Variants in STARD13 observed in about 807,000 individuals in gnomAD.
STARD13 encodes stAR-related lipid transfer protein 13.
In STARD13, 62 loss-of-function variants were observed where a neutral mutation model predicts 106.4. The observed-to-expected ratio is 0.58, with a 90% CI of 0.48 to 0.72. The LOEUF (loss-of-function observed/expected upper bound fraction) is 0.72, where lower values mean the gene tolerates loss of function less well. Ranked by LOEUF, STARD13 falls within the 30% of genes least tolerant of loss-of-function variation. STARD13 has a pLI of 0.00. For synonymous variants in STARD13, 565 were observed against 553.0 expected (o/e 1.02, Z -0.31); for missense variants, 1,387 against 1,424.0 (o/e 0.97, Z 0.42).
chr13:33,380,843 G>A, the STARD13 span, among the ~76,000 whole-genome samples: 14 of 152,174 alleles, frequency 9.2e-5, no homozygotes, highest in African/African-American at 3.1e-4. Context: ...GTGTGTTCAA[G>A]GTGAGGGAGA....
chr13:33,499,117 A>G, the STARD13 span, among the ~76,000 whole-genome samples: 1 of 152,214 alleles, frequency 6.6e-6, no homozygotes, highest in Non-Finnish European at 1.5e-5. Context: ...CAGCCTGGGC[A>G]GCAGAGTAAG....
intron 1 of STARD13, among the ~76,000 whole-genome samples, chr13:33,301,934 T>C (rs1319943968): frequency 6.6e-6 from 1 of 152,094 alleles, no homozygotes; most frequent in African/African-American, 2.4e-5. Context: ...TTTCTCAGAA[T>C]TATAGCCCTT....
At chr13:33,645,557 T>G in the STARD13 span, among the ~76,000 whole-genome samples, 2 of 152,186 alleles carry the variant, frequency 1.3e-5, no homozygotes, top group Non-Finnish European at 2.9e-5. Context: ...CTTTTAACTA[T>G]GAAGTAGGAA....
intron 3 of STARD13, among the ~76,000 whole-genome samples, chr13:33,143,490 C>T (rs1282701291): frequency 6.6e-6 from 1 of 152,218 alleles, no homozygotes; most frequent in Non-Finnish European, 1.5e-5. Context: ...TATGAAGACA[C>T]ACAATTGGGT....
chr13:33,528,257 C>CATATATATATATATAT, the STARD13 span, among the ~76,000 whole-genome samples: 21 of 92,890 alleles, frequency 2.3e-4, 2 homozygotes, highest in African/African-American at 1.2e-3. Context: ...TATATATATA[C>CATATATATATATATAT]ATATATATAT....
At chr13:33,576,169 T>C in the STARD13 span, among the ~76,000 whole-genome samples, 1 of 152,324 alleles carries the variant, frequency 6.6e-6, no homozygotes, top group East Asian at 1.9e-4. Flanking sequence ...GGGAACACAC[T>C]GTTTCTACGC....
At chr13:33,110,464 G>A (rs1874369146) in intron 11 of STARD13, among the ~76,000 whole-genome samples, 1 of 152,124 alleles carries the variant, frequency 6.6e-6, no homozygotes, top group Admixed American at 6.5e-5. Flanking sequence ...ACAGCTACGG[G>A]GGAGAGACAG....
At chr13:33,617,027 C>T in the STARD13 span, among the ~76,000 whole-genome samples, 5 of 152,152 alleles carry the variant, frequency 3.3e-5, no homozygotes, top group Non-Finnish European at 7.3e-5. Context: ...TGGAACAGCA[C>T]CCTATGTTAT....
chr13:33,265,517 T>C (rs1420557085), intron 1 of STARD13, among the ~76,000 whole-genome samples: 1 of 152,202 alleles, frequency 6.6e-6, no homozygotes, highest in Non-Finnish European at 1.5e-5. Flanking sequence ...TTTTGGTTTA[T>C]TCACATTTCT....
chr13:33,517,656 T>C, the STARD13 span, among the ~76,000 whole-genome samples: 1 of 152,294 alleles, frequency 6.6e-6, no homozygotes, highest in African/African-American at 2.4e-5. Context: ...CTGATTGTGT[T>C]TGTCTTGAAG....
intron 1 of STARD13, chr13:33,271,566 GA>G (rs1373466029): frequency 6.6e-6 from 1 of 152,202 alleles, no homozygotes; most frequent in Non-Finnish European, 1.5e-5. Flanking sequence ...CCTTAGGTAG[GA>G]ACTTAGGAAC....
At chr13:33,265,242 T>C (rs1330195180) in intron 1 of STARD13, among the ~76,000 whole-genome samples, 1 of 151,700 alleles carries the variant, frequency 6.6e-6, no homozygotes, top group Non-Finnish European at 1.5e-5. Flanking sequence ...ACTCTATGAG[T>C]ATTTTTTATT....
At chr13:33,630,336 C>T in the STARD13 span, among the ~76,000 whole-genome samples, 1 of 152,126 alleles carries the variant, frequency 6.6e-6, no homozygotes, top group African/African-American at 2.4e-5. Context: ...AATGAGGCCC[C>T]TGAGACCCTC....
At chr13:33,438,990 A>G in the STARD13 span, among the ~76,000 whole-genome samples, 75,360 of 152,050 alleles carry the variant, frequency 0.5, 19,693 homozygotes, top group African/African-American at 0.67. Flanking sequence ...GCTATCTACA[A>G]GATATGAAGA....
intron 3 of STARD13, chr13:33,155,435 A>T (rs1184109973): frequency 1.3e-5 from 2 of 152,228 alleles, no homozygotes; most frequent in Non-Finnish European, 2.9e-5. Flanking sequence ...AAGGCAAGGC[A>T]TTTTTTAAAA....
the STARD13 span, among the ~76,000 whole-genome samples, chr13:33,658,751 C>T: frequency 6.6e-6 from 1 of 152,092 alleles, no homozygotes; most frequent in Non-Finnish European, 1.5e-5. Context: ...GCTAGCAGCT[C>T]CCAGGTAGTT....
At position 33,298,044 on chromosome 13, in the gene STARD13, G is replaced by A. The variant is rs906134440; in HGVS notation, c.124+52246C>T. Among the ~76,000 whole-genome samples, 3 of 151,704 alleles carry A rather than the reference G, an allele frequency of 2.0e-5. No homozygotes were observed. The East Asian group carries it at 5.8e-4, about 29-fold the overall frequency. Reference sequence around the variant, plus strand: ...TTACATGATGTGTCCTGTACACAGGGACCTGCCCTCCTGCCTGGAGCACCC... The same window carrying A: ...TTACATGATGTGTCCTGTACACAGGAACCTGCCCTCCTGCCTGGAGCACCC... On this transcript the variant is annotated intron_variant, in intron 1 of 5. Coordinates refer to the STARD13 transcript ENST00000567873.
the STARD13 span, among the ~76,000 whole-genome samples, chr13:33,499,821 G>A: frequency 7.7e-6 from 1 of 129,984 alleles, no homozygotes; most frequent in African/African-American, 3.0e-5. Context: ...CTACAGTGCA[G>A]TAGCACAATC....
At chr13:33,353,345 C>A (rs189911825), upstream of STARD13, among the ~76,000 whole-genome samples, 1 of 152,166 alleles carries the variant, frequency 6.6e-6, no homozygotes, top group Non-Finnish European at 1.5e-5. Flanking sequence ...AATCTAACAA[C>A]GTGTTCCAGT....
Sources: allele counts gnomAD v4.1 joint callset (sites outside exome capture counted in the v4.1 genomes callset), GRCh38; gene constraint gnomAD v4.1.1; transcripts MANE v1.5; gene names NCBI Gene and HGNC (gene_info 2026-07-23, HGNC 2026-07-21).